COL6A3: variants seen among roughly 807,000 people sequenced by gnomAD.
COL6A3 encodes the protein collagen type VI alpha 3 chain.
COL6A3 carries 137 observed loss-of-function variants against 274.1 expected under a neutral mutation model. The ratio of observed to expected loss-of-function variants is 0.50; its 90% confidence interval spans 0.44 to 0.58. COL6A3 has a LOEUF of 0.58. Ranked by LOEUF, COL6A3 falls within the 20% of genes least tolerant of loss-of-function variation. The probability of loss-of-function intolerance (pLI) is 0.00; values close to 1 mark genes in which losing one functional copy is unlikely to be tolerated. For synonymous variants in COL6A3, 1,650 were observed against 1,650.6 expected, an observed-to-expected ratio of 1.00 and a Z score of 0.01; for missense variants, 3,950 against 4,124.9, an observed-to-expected ratio of 0.96 and a Z score of 1.16.
chr2:237,353,522 T>G, intron 24 of COL6A3, 119 bp from the exon 25 acceptor site: 10 of 831,372 alleles, frequency 1.2e-5, no homozygotes, highest in Non-Finnish European at 1.6e-5. Context: ...AACTCAGCTC[T>G]TCCAGAGGTA....
At position 237,344,643 on chromosome 2, in the gene COL6A3, G is replaced by A. The variant is rs371066956; in HGVS notation, c.7375C>T (p.Arg2459Trp). ...TYNNEVTTEI[R>W]FADSKRKSVL... ...GACTTCCTCTTGGAGTCAGCAAACCGGATCTCCGTGGTCACCTCGTTGTTG... is the reference window on the plus strand; with the variant it reads ...GACTTCCTCTTGGAGTCAGCAAACCAGATCTCCGTGGTCACCTCGTTGTTG... The change falls in exon 36 of 44, where the codon CGG becomes TGG. Residue 2459 changes from arginine (R) to tryptophan (W), a missense_variant. Arg to Trp is a moderately radical substitution (Grantham distance 101). Transcript: ENST00000295550. The surrounding 1 kb of genome is among the most constrained non-coding windows in gnomAD (Gnocchi z 4.8). The A allele has an allele frequency of 5.1e-5, 82 of 1,613,798 alleles. No individual in the cohort carries two copies. The highest frequency in any genetic ancestry group is 1.6e-4 in the Middle Eastern group (1 of 6,082).
intron 8 of COL6A3, among the ~76,000 whole-genome samples, chr2:237,373,904 A>G (rs1004631322): frequency 1.3e-5 from 2 of 152,188 alleles, no homozygotes; most frequent in African/African-American, 4.8e-5. Flanking sequence ...CTGCCAGTTA[A>G]GACACTTCTC....
rs1432051200 is a variant in COL6A3 at position 237,340,800 on chromosome 2, T to C, written c.8116A>G (p.Met2706Val). The part of the protein sequence containing the change: ...EKLVDFLSRG[M>V]TQLQGTRALG... ...GCCCTGGTTCCCTGCAACTGTGTCA[T>C]TCCCCTGCTGAGGAAGTCCACCAGC... The change falls in exon 38 of 44, where the codon ATG (methionine) becomes GTG (valine). Residue 2706 changes from methionine (M) to valine (V), a missense_variant. This residue lies in a region of COL6A3 where 1,284 missense variants were observed against 1,349.7 expected (regional missense o/e 0.95). Transcript: ENST00000295550. The C allele has an allele frequency of 1.9e-6, 3 of 1,614,190 alleles. No individual in the cohort carries two copies. Among genetic ancestry groups the C allele is most frequent in the South Asian group, 1.1e-5 (1 of 91,082 alleles).
intron 1 of COL6A3, among the ~76,000 whole-genome samples, chr2:237,397,143 G>A (rs985762541): frequency 7.2e-6 from 1 of 138,646 alleles, no homozygotes. Context: ...GGAAGGAGAA[G>A]GGAAGGGAAG....
chr2:237,350,308 G>T (rs998248921), intron 27 of COL6A3, 99 bp from the exon 28 acceptor site: 9 of 1,036,560 alleles, frequency 8.7e-6, no homozygotes, highest in Non-Finnish European at 1.2e-5. Context: ...GCTGCAACAT[G>T]CTGACTTCAC....
rs775714512 is a variant in COL6A3 at position 237,336,400 on chromosome 2, T to C, written c.8700A>G (p.Ile2900Met). The C allele has an allele frequency of 1.2e-5, 19 of 1,614,260 alleles. No individual in the cohort carries two copies. In the East Asian group the frequency reaches 4.2e-4, roughly 36 times the overall value. Reference sequence around the variant, plus strand: ...CGGCTGGCTTCACAGATGGCTGATTTATAATAGTCACAGGCTTTGTTGTGG... The same window carrying C: ...CGGCTGGCTTCACAGATGGCTGATTCATAATAGTCACAGGCTTTGTTGTGG... Reference protein sequence around the residue: ...VTTTTKPVTIINQPSVKPAAA... With the variant: ...VTTTTKPVTIMNQPSVKPAAA... Residue 2900 changes from isoleucine (I) to methionine (M), a missense_variant, in exon 40 of 44, where the codon ATA becomes ATG. Ile to Met is a conservative substitution (Grantham distance 10, BLOSUM62 1). Coordinates refer to ENST00000295550, the MANE Select transcript of COL6A3 (RefSeq NM_004369.4).
rs2077861913 is a variant in COL6A3 at position 237,376,976 on chromosome 2, C to T, written c.2866G>A (p.Val956Met). Residue 956 changes from valine (V) to methionine (M), a missense_variant, in exon 7 of 44, where the codon GTG becomes ATG. By Grantham distance (21) the Val-to-Met change is conservative. Around this residue, in one of 5 missense-constraint regions of COL6A3, gnomAD observed 1,934 missense variants for 1,984.3 expected, o/e 0.97. Coordinates refer to ENST00000295550, the MANE Select transcript of COL6A3 (RefSeq NM_004369.4). ...LLVAGRSSDRVDGPASNLKQS... is the reference protein window; with the variant it reads ...LLVAGRSSDRMDGPASNLKQS... ...TTCAGGTTACTTGCTGGCCCATCCA[C>T]ACGGTCAGATGACCTTCCTGCGACC... is the stretch of plus-strand genomic sequence containing the variant. The T allele has an allele frequency of 2.5e-6, 4 of 1,614,124 alleles. No individual in the cohort carries two copies. The highest frequency in any genetic ancestry group is 3.3e-5 in the Admixed American group (2 of 60,000).
At chr2:237,334,440 CTG>C (rs1178829765) in intron 41 of COL6A3, among the ~76,000 whole-genome samples, 184 bp downstream of exon 41, 7 of 152,196 alleles carry the variant, frequency 4.6e-5, no homozygotes, top group Non-Finnish European at 7.4e-5. Context: ...CATTTCCATT[CTG>C]TGTTTTATAA....
chr2:237,338,175 C>A (rs1035370846), intron 39 of COL6A3, among the ~76,000 whole-genome samples: 1 of 152,188 alleles, frequency 6.6e-6, no homozygotes. Flanking sequence ...GTCAATAGAA[C>A]GTGGCAGAAG....
intron 1 of COL6A3, among the ~76,000 whole-genome samples, chr2:237,412,787 C>G (rs2078888242): frequency 6.6e-6 from 1 of 152,216 alleles, no homozygotes; most frequent in Admixed American, 6.5e-5. Flanking sequence ...CACCCTGCAG[C>G]TCTAGCACCC....
Position 237,364,399 on chromosome 2 carries a change from G to T in COL6A3, c.5868C>A (p.Asp1956Glu). The T allele has an allele frequency of 3.1e-6, 5 of 1,613,928 alleles. No individual in the cohort carries two copies. Among genetic ancestry groups the T allele is most frequent in the Non-Finnish European group, 4.2e-6 (5 of 1,179,902 alleles). The change falls in exon 13 of 44, where the codon GAC becomes GAA. Residue 1956 changes from aspartate (D) to glutamate (E), a missense_variant. Around this residue, in one of 5 missense-constraint regions of COL6A3, gnomAD observed 632 missense variants for 623.4 expected, o/e 1.01. Transcript: ENST00000295550. This position sits in a 1 kb window ranked among gnomAD's most constrained non-coding sequence, Gnocchi z 4.6. ...KVVIHFTDGA[D>E]GDLADLHRAS... is the part of the protein sequence containing the mutation. ...CTCTGTGTAAATCAGCCAGATCTCC[G>T]TCTGCTCCATCAGTAAAATGAATGA...
At chr2:237,350,932 G>T (rs2077193025) in intron 27 of COL6A3, among the ~76,000 whole-genome samples, 198 bp downstream of exon 27, 1 of 152,202 alleles carries the variant, frequency 6.6e-6, no homozygotes, top group South Asian at 2.1e-4. Flanking sequence ...TTGGTGGCAG[G>T]GATGGTGGTG....
At chr2:237,403,170 G>A (rs534772471) in intron 1 of COL6A3, among the ~76,000 whole-genome samples, 91 of 152,264 alleles carry the variant, frequency 6.0e-4, no homozygotes, top group Admixed American at 1.2e-3. Flanking sequence ...TGGATTTGCC[G>A]TGAAATTCCT....
rs150789475 is a variant in COL6A3, at chr2:237,330,367, C to T, written c.9328+3083G>A. ...AGGCCACGGTAACGAATGAAAGATCCACTGCTGCTCACTGCCATTTACAGG... is the reference window on the plus strand; with the variant it reads ...AGGCCACGGTAACGAATGAAAGATCTACTGCTGCTCACTGCCATTTACAGG... On this transcript the variant is annotated intron_variant, in intron 42 of 43. Transcript: ENST00000295550. 3.6e-3 allele frequency among the ~76,000 whole-genome samples: 554 copies of T among 152,296 alleles called. 3 individuals carry two copies. Among genetic ancestry groups the T allele is most frequent in the African/African-American group, 0.012 (516 of 41,548 alleles).
intron 21 of COL6A3, 126 bp downstream of exon 21, chr2:237,358,395 A>C (rs2077363916): frequency 2.4e-6 from 2 of 839,634 alleles, no homozygotes. Context: ...AGAAAAAGAC[A>C]AAGCACATAT....
At chr2:237,351,262 G>C (rs112103865) in intron 26 of COL6A3, 70 bp from the exon 27 acceptor site, 165 of 1,455,132 alleles carry the variant, frequency 1.1e-4, no homozygotes, top group Non-Finnish European at 1.5e-4. Context: ...TCTGAAACCT[G>C]ACTCTCCCCT....
chr2:237,403,950 C>T (rs1224651903), intron 1 of COL6A3, among the ~76,000 whole-genome samples: 4 of 151,710 alleles, frequency 2.6e-5, no homozygotes, highest in African/African-American at 9.7e-5. Flanking sequence ...TAGACCCATT[C>T]CTGAGTGTTT....
chr2:237,371,913 C>T lies in COL6A3; in HGVS notation c.4104G>A (p.Thr1368=), dbSNP rs777649526. 6 of 1,613,812 alleles carry T rather than the reference C, an allele frequency of 3.7e-6. No homozygotes were observed. The East Asian group carries it at 8.9e-5, about 24-fold the overall frequency. The part of the protein sequence containing the change: ...ELKQFGVAPF[T]IARNADQEEL... Reference sequence around the variant, plus strand: ...CCTCCTGGTCTGCGTTCCTGGCGATCGTGAAAGGGGCCACGCCAAACTGCT... The same window carrying T: ...CCTCCTGGTCTGCGTTCCTGGCGATTGTGAAAGGGGCCACGCCAAACTGCT... The change falls in exon 9 of 44, where the codon ACG becomes ACA. Residue 1368 remains threonine, a synonymous_variant. Coordinates refer to ENST00000295550, the MANE Select transcript of COL6A3 (RefSeq NM_004369.4). The surrounding 1 kb of genome is among the most constrained non-coding windows in gnomAD (Gnocchi z 4.3).
chr2:237,352,610 G>C (rs374789211), intron 25 of COL6A3, 26 bp from the exon 26 acceptor site: 120 of 1,606,640 alleles, frequency 7.5e-5, no homozygotes, highest in Non-Finnish European at 9.9e-5. Flanking sequence ...ACCATCGTGA[G>C]TGCTAATGAG....
Sources: allele counts gnomAD v4.1 joint callset (sites outside exome capture counted in the v4.1 genomes callset), GRCh38; gene constraint gnomAD v4.1.1; regional missense constraint gnomAD v4.1.1; non-coding constraint Gnocchi (gnomAD v3.1); transcripts MANE v1.5; gene names NCBI Gene and HGNC (gene_info 2026-07-23, HGNC 2026-07-21).